The following WDFY4 variants were observed in gnomAD, a reference collection of about 807,000 sequenced individuals.
WDFY4 encodes WDFY family member 4, also known as WD repeat- and FYVE domain-containing protein 4.
Under a neutral mutation model 351.9 loss-of-function variants are expected in WDFY4, and 169 were observed. The ratio of observed to expected loss-of-function variants is 0.48; its 90% CI spans 0.42 to 0.55. The LOEUF (loss-of-function observed/expected upper bound fraction) is 0.55, where lower values mean the gene tolerates loss of function less well. WDFY4 is among the 20% of genes least tolerant of loss of function. The pLI is 0.00. For missense variants in WDFY4, 3,803 were observed against 3,935.6 expected (o/e 0.97, Z 0.90); for synonymous variants, 1,622 against 1,574.6 (o/e 1.03, Z -0.71).
chr10:48,952,764 G>C (rs1841390198), intron 51 of WDFY4, among the ~76,000 whole-genome samples: 1 of 152,144 alleles, frequency 6.6e-6, no homozygotes, highest in South Asian at 2.1e-4. Context: ...AAAGCTAATG[G>C]CCACTCTGGG....
chr10:48,817,042 A>G (rs910307631), intron 31 of WDFY4, among the ~76,000 whole-genome samples: 2 of 152,240 alleles, frequency 1.3e-5, no homozygotes, highest in African/African-American at 4.8e-5. Context: ...GAAGAGGCAT[A>G]TGTATGAAGC....
At position 48,873,662 on chromosome 10, in the gene WDFY4, T is replaced by C; in HGVS notation, c.6913T>C (p.Ser2305Pro). ...ARMRKRIKRLSPLEALSSGRH... is the reference protein window; with the variant it reads ...ARMRKRIKRLPPLEALSSGRH... ...AATGAGGAAACGCATCAAACGCTTG[T>C]CTCCTTTGGAGGCCCTGAGCTCAGG... The change falls in exon 41 of 62, where the codon TCT becomes CCT. Residue 2305 changes from serine (S) to proline (P), a missense_variant. Transcript: ENST00000325239. 6.4e-7 allele frequency: 1 copy of C among 1,551,794 alleles called. No individual in the cohort carries two copies. The highest frequency in any genetic ancestry group is 8.7e-7 in the Non-Finnish European group (1 of 1,147,012).
At chr10:48,913,875 T>G (rs766642607) in intron 47 of WDFY4, 2 of 1,614,176 alleles carry the variant, frequency 1.2e-6, no homozygotes, top group Non-Finnish European at 1.7e-6. Context: ...GCTGGTCATC[T>G]GGCCAATGGA....
At chr10:48,912,265 C>A (rs181615328) in intron 47 of WDFY4, among the ~76,000 whole-genome samples, 1 of 152,336 alleles carries the variant, frequency 6.6e-6, no homozygotes, top group East Asian at 1.9e-4. Flanking sequence ...AGTTATGGTT[C>A]TGGAAGAAAA....
intron 39 of WDFY4, among the ~76,000 whole-genome samples, chr10:48,839,672 A>T (rs761972956): frequency 6.6e-6 from 1 of 152,256 alleles, no homozygotes; most frequent in Non-Finnish European, 1.5e-5. Context: ...AGGGAGACTC[A>T]GAAAACCTGA....
intron 39 of WDFY4, among the ~76,000 whole-genome samples, 166 bp downstream of exon 39, chr10:48,832,875 G>A (rs2068240832): frequency 6.6e-6 from 1 of 152,226 alleles, no homozygotes; most frequent in Admixed American, 6.5e-5. Context: ...TGTTTAGGCT[G>A]TATTAGGCTG....
chr10:48,842,146 GAGATAAATGCAA>G (rs1443528489), intron 39 of WDFY4, among the ~76,000 whole-genome samples: 1 of 151,904 alleles, frequency 6.6e-6, no homozygotes, highest in Non-Finnish European at 1.5e-5. Flanking sequence ...GAGAAGATTT[GAGATAAATGCAA>G]AGCAAATACA....
intron 51 of WDFY4, among the ~76,000 whole-genome samples, chr10:48,951,846 AC>A (rs951695075): frequency 1.8e-4 from 28 of 152,108 alleles, no homozygotes; most frequent in African/African-American, 6.0e-4. Flanking sequence ...GATCAGACCC[AC>A]CCGAGGTGGG....
At chr10:48,921,633 A>T (rs991535364) in intron 47 of WDFY4, among the ~76,000 whole-genome samples, 5 of 152,228 alleles carry the variant, frequency 3.3e-5, no homozygotes, top group African/African-American at 1.2e-4. Flanking sequence ...GCATGAAAAG[A>T]CAAGCTACAG....
At position 48,951,156 on chromosome 10, in the gene WDFY4, G is replaced by C. The variant is rs1327166878; in HGVS notation, c.7977+4187G>C. ...TTAGGTTTGAGCTGGTCTTATAATT[G>C]ACACATACTTATATCCTTGCTGTGT... On this transcript the variant is annotated intron_variant, in intron 51 of 61. Transcript: ENST00000325239. 2.6e-5 allele frequency among the ~76,000 whole-genome samples: 4 copies of C among 152,330 alleles called. No homozygotes were observed. The East Asian group carries it at 7.7e-4, about 29-fold the overall frequency.
In WDFY4 at chr10:48,778,454, C is replaced by T. The variant is rs565632381; in HGVS notation, c.3176-157C>T. Among the ~76,000 whole-genome samples, 6 of 152,332 alleles carry T rather than the reference C, an allele frequency of 3.9e-5. No individual in the cohort carries two copies. The East Asian group carries it at 7.7e-4, about 20-fold the overall frequency. On this transcript the variant is annotated intron_variant, in intron 17 of 61. Coordinates refer to ENST00000325239, the MANE Select transcript of WDFY4 (RefSeq NM_001394531.1). ...ATCGAGATCTTCTCTGCTCCCTTGG[C>T]AAGGCAGCATGCCATAATGGGGAGG...
At chr10:48,882,629 T>TC in intron 43 of WDFY4, among the ~76,000 whole-genome samples, 1 of 152,152 alleles carries the variant, frequency 6.6e-6, no homozygotes, top group East Asian at 1.9e-4. Context: ...AAGCTTCCAG[T>TC]CATGGTGGAA....
chr10:48,787,912 CTTCTT>C (rs1565198784), intron 20 of WDFY4, among the ~76,000 whole-genome samples: 22 of 45,166 alleles, frequency 4.9e-4, no homozygotes, highest in Non-Finnish European at 6.4e-4. Flanking sequence ...TCTTCTTCTT[CTTCTT>C]CTTCTTCTTC....
rs545547515 is a variant in WDFY4, at chr10:48,755,866, T to C, written c.2460-4481T>C. 2.6e-5 allele frequency among the ~76,000 whole-genome samples: 4 copies of C among 152,236 alleles called. No individual in the cohort carries two copies. In the East Asian group the frequency reaches 7.7e-4, roughly 29 times the overall value. On this transcript the variant is annotated intron_variant, in intron 12 of 61. Transcript: ENST00000325239. The stretch of plus-strand genomic sequence containing the variant: ...GTCCTGATGGAACCTCGTTATTTTA[T>C]ATATAGGTAGGTATTGTTTGCTGAT...
At chr10:48,742,278 A>AT (rs1188800099) in intron 11 of WDFY4, among the ~76,000 whole-genome samples, 1 of 152,234 alleles carries the variant, frequency 6.6e-6, no homozygotes, top group East Asian at 1.9e-4. Flanking sequence ...GCTATGTGTT[A>AT]TACCTATGCA....
chr10:48,931,529 A>G (rs957420254), intron 47 of WDFY4, among the ~76,000 whole-genome samples: 4 of 152,174 alleles, frequency 2.6e-5, no homozygotes, highest in Non-Finnish European at 5.9e-5. Flanking sequence ...TATGGGGAGG[A>G]TATGTCAAGC....
Position 48,978,379 on chromosome 10 carries a change from C to A in WDFY4, c.9362C>A (p.Pro3121His). ...GCAGGAGAGGAGCCCCCGGCTCAGC[C>A]TCCAAGCCCAAGAGGTACCTGACCT... ...RPAGEEPPAQ[P>H]PSPRGHKWEK... Residue 3121 changes from proline to histidine, a missense_variant, in exon 60 of 62, where the codon CCT becomes CAT. Transcript: ENST00000325239. 1 of 1,551,174 alleles carries A rather than the reference C, an allele frequency of 6.4e-7. No homozygotes were observed. Among genetic ancestry groups the A allele is most frequent in the South Asian group, 1.2e-5 (1 of 84,030 alleles).
chr10:48,957,352 T>G (rs946171000), intron 52 of WDFY4, 70 bp downstream of exon 52: 9 of 1,519,006 alleles, frequency 5.9e-6, no homozygotes, highest in Non-Finnish European at 8.0e-6. Flanking sequence ...CCCTGGGTGA[T>G]GACCAACATC....
intron 51 of WDFY4, among the ~76,000 whole-genome samples, chr10:48,956,397 C>CTT (rs1841591594): frequency 6.6e-6 from 1 of 152,166 alleles, no homozygotes; most frequent in Non-Finnish European, 1.5e-5. Context: ...GAAGCCAAGA[C>CTT]CCCTGGTCCC....
Sources: gnomAD v4.1 joint callset for allele counts (sites outside exome capture counted in the v4.1 genomes callset) on GRCh38, gnomAD v4.1.1 for gene constraint, MANE v1.5 for transcripts, NCBI Gene and HGNC (gene_info 2026-07-23, HGNC 2026-07-21) for gene names.